SPMAP2: variants seen among roughly 807,000 people sequenced by gnomAD.
SPMAP2 encodes sperm microtubule associated protein 2.
chr19:375,434 G>T, the SPMAP2 span, among the ~76,000 whole-genome samples: 1 of 152,202 alleles, frequency 6.6e-6, no homozygotes, highest in Non-Finnish European at 1.5e-5. Flanking sequence ...CCAGATAGGG[G>T]AGCGTCTGCT....
the SPMAP2 span, among the ~76,000 whole-genome samples, chr19:363,608 G>T: frequency 6.6e-6 from 1 of 151,436 alleles, no homozygotes; most frequent in South Asian, 2.1e-4. Context: ...ACCTTGACTC[G>T]CTGTAACCTC....
chr19:372,685 A>G, the SPMAP2 span: 1 of 1,613,882 alleles, frequency 6.2e-7, no homozygotes, highest in East Asian at 2.2e-5. Flanking sequence ...CAGTTCCTCC[A>G]CGCGGCGGGA....
chr19:364,062 G>T, the SPMAP2 span, among the ~76,000 whole-genome samples: 1 of 151,822 alleles, frequency 6.6e-6, no homozygotes, highest in Non-Finnish European at 1.5e-5. Flanking sequence ...GGTTGGGCGC[G>T]GTGGCTCATG....
chr19:365,470 G>A, the SPMAP2 span, among the ~76,000 whole-genome samples: 3 of 150,816 alleles, frequency 2.0e-5, no homozygotes, highest in Non-Finnish European at 4.4e-5. Flanking sequence ...CATAGCAAGC[G>A]TGAGCACGCA....
the SPMAP2 span, among the ~76,000 whole-genome samples, chr19:365,658 AC>A: frequency 3.1e-5 from 4 of 128,582 alleles, no homozygotes; most frequent in African/African-American, 1.4e-4. Flanking sequence ...ACTCGCTCTT[AC>A]CCCCACCACA....
chr19:370,814 G>A, the SPMAP2 span, among the ~76,000 whole-genome samples: 33 of 152,110 alleles, frequency 2.2e-4, no homozygotes, highest in African/African-American at 7.5e-4. Context: ...GGCAGAAGCC[G>A]GGTCAAGCCC....
chr19:367,287 A>T, the SPMAP2 span: 1 of 1,466,790 alleles, frequency 6.8e-7, no homozygotes, highest in Non-Finnish European at 9.1e-7. Flanking sequence ...TGGGCCCTGG[A>T]GCTGAAGGAC....
the SPMAP2 span, chr19:374,487 G>A: frequency 6.2e-7 from 1 of 1,605,806 alleles, no homozygotes; most frequent in Admixed American, 1.7e-5. Flanking sequence ...GGAGCCCAGA[G>A]AAGCGTGGGT....
chr19:375,636 C>G, the SPMAP2 span: 2 of 1,526,960 alleles, frequency 1.3e-6, no homozygotes, highest in South Asian at 2.6e-5. Flanking sequence ...CCACCGCACC[C>G]AGGCAGGCCC....
At chr19:374,165 C>T in the SPMAP2 span, 9 of 1,506,302 alleles carry the variant, frequency 6.0e-6, no homozygotes, top group African/African-American at 1.1e-4. Context: ...CCAACCCCAC[C>T]TACCCTAAGT....
At chr19:369,185 G>A in the SPMAP2 span, among the ~76,000 whole-genome samples, 1 of 152,132 alleles carries the variant, frequency 6.6e-6, no homozygotes, top group African/African-American at 2.4e-5. Flanking sequence ...ACCACCATAG[G>A]AGAAGACGCG....
chr19:372,768 G>A, the SPMAP2 span: 1 of 1,499,940 alleles, frequency 6.7e-7, no homozygotes, highest in African/African-American at 1.4e-5. Context: ...AGGGGCTTCT[G>A]CATGCGGAAT....
At chr19:367,795 G>A in the SPMAP2 span, among the ~76,000 whole-genome samples, 150 of 152,254 alleles carry the variant, frequency 9.9e-4, no homozygotes, top group African/African-American at 3.0e-3. Context: ...GGAGCCGGGC[G>A]CCCGGCCGCT....
At chr19:371,347 C>T in the SPMAP2 span, 8 of 1,377,994 alleles carry the variant, frequency 5.8e-6, no homozygotes, top group Non-Finnish European at 7.7e-6. Flanking sequence ...CATTTTAGAC[C>T]AGCAGCTCGG....
chr19:371,930 C>A, the SPMAP2 span, among the ~76,000 whole-genome samples: 1 of 152,376 alleles, frequency 6.6e-6, no homozygotes, highest in Non-Finnish European at 1.5e-5. Flanking sequence ...CGGAAGTGTC[C>A]TGGCTACATC....
the SPMAP2 span, chr19:367,105 C>T: frequency 1.2e-6 from 2 of 1,612,958 alleles, no homozygotes; most frequent in Admixed American, 1.7e-5. Flanking sequence ...ACACATGTGG[C>T]TTGGGTTTTG....
the SPMAP2 span, chr19:362,000 C>T: frequency 1.4e-5 from 6 of 418,308 alleles, no homozygotes; most frequent in East Asian, 3.7e-5. Context: ...ATTCAGAAGG[C>T]GCTCGAGATG....
At chr19:365,856 G>A in the SPMAP2 span, among the ~76,000 whole-genome samples, 1 of 152,142 alleles carries the variant, frequency 6.6e-6, no homozygotes, top group Non-Finnish European at 1.5e-5. Context: ...TAAAAATGCT[G>A]CTTCCTGGCC....
chr19:363,639 T>C, the SPMAP2 span, among the ~76,000 whole-genome samples: 1 of 152,024 alleles, frequency 6.6e-6, no homozygotes, highest in Admixed American at 6.6e-5. Context: ...GATCAAGTGA[T>C]TCTCCTGCCT....
Sources: allele counts gnomAD v4.1 joint callset (sites outside exome capture counted in the v4.1 genomes callset), GRCh38; gene constraint gnomAD v4.1.1; transcripts MANE v1.5; gene names NCBI Gene and HGNC (gene_info 2026-07-23, HGNC 2026-07-21).